PI4KA: variants seen among roughly 807,000 people sequenced by gnomAD.
PI4KA encodes PI4-kinase alpha.
Under a neutral mutation model 271.4 loss-of-function variants are expected in PI4KA, and 122 were observed. The observed-to-expected ratio is 0.45, with a 90% CI of 0.39 to 0.52. PI4KA has a LOEUF of 0.52. Ranked by LOEUF, PI4KA falls within the 20% of genes least tolerant of loss-of-function variation. The probability of loss-of-function intolerance (pLI) is 0.00; values close to 1 mark genes in which losing one functional copy is unlikely to be tolerated. For synonymous variants in PI4KA, 1,041 were observed against 1,078.8 expected (o/e 0.96, Z 0.69); for missense variants, 1,969 against 2,769.1 (o/e 0.71, Z 6.48).
chr22:20,753,738 G>A (rs1455804485), intron 23 of PI4KA, among the ~76,000 whole-genome samples: 1 of 152,030 alleles, frequency 6.6e-6, no homozygotes, highest in Admixed American at 6.6e-5. Context: ...CCAGGCTGGA[G>A]TGTGGTGGCG....
intron 8 of PI4KA, among the ~76,000 whole-genome samples, chr22:20,812,526 T>C (rs568006456): frequency 6.6e-5 from 10 of 152,242 alleles, no homozygotes; most frequent in African/African-American, 2.4e-4. Context: ...CCTAGCTTGA[T>C]TGTAACAACT....
chr22:20,753,086 C>A (rs201842244), intron 24 of PI4KA, 24 bp downstream of exon 24: 1 of 1,614,118 alleles, frequency 6.2e-7, no homozygotes, highest in African/African-American at 1.3e-5. Flanking sequence ...CAGACAGACA[C>A]GCATTCATGC....
intron 19 of PI4KA, chr22:20,780,203 T>C (rs781388327): frequency 6.2e-7 from 1 of 1,614,204 alleles, no homozygotes; most frequent in East Asian, 2.2e-5. Context: ...ACTTCAAAGG[T>C]AAGAGGCACC....
rs151088480 is a variant in PI4KA at position 20,779,444 on chromosome 22, G to A, written c.2328+13749C>T. On this transcript the variant is annotated intron_variant, in intron 19 of 54. Coordinates refer to ENST00000255882, the MANE Select transcript of PI4KA (RefSeq NM_058004.4). ...AGTCTGCAGATCCCCAGTGGGAGCA[G>A]TTAAATAACAAAAACCTGAGCATGC... 10 of 1,614,068 alleles carry A rather than the reference G, an allele frequency of 6.2e-6. 1 individual carries two copies. Among genetic ancestry groups the A allele is most frequent in the Non-Finnish European group, 8.5e-6 (10 of 1,180,022 alleles).
rs7291755 is a variant in PI4KA at position 20,732,465 on chromosome 22, G to A, written c.4288+506C>T. On this transcript the variant is annotated intron_variant, in intron 36 of 54. Coordinates refer to ENST00000255882, the MANE Select transcript of PI4KA (RefSeq NM_058004.4). ...CTTTGCCCTGTCCACCCTGCATGCC[G>A]GTGCAGCCATTCAGACTCAGCTCAA... 6.8e-4 allele frequency among the ~76,000 whole-genome samples: 104 copies of A among 152,296 alleles called. 1 individual carries two copies. The highest frequency in any genetic ancestry group is 2.4e-3 in the African/African-American group (99 of 41,542).
chr22:20,727,134 G>A, intron 41 of PI4KA, 96 bp downstream of exon 41: 2 of 1,124,148 alleles, frequency 1.8e-6, no homozygotes, highest in Non-Finnish European at 1.3e-6. Flanking sequence ...GTAACGGGGC[G>A]ACCTCATGGC....
intron 42 of PI4KA, among the ~76,000 whole-genome samples, chr22:20,722,251 A>G (rs1172624017): frequency 6.6e-6 from 1 of 152,112 alleles, no homozygotes; most frequent in African/African-American, 2.4e-5. Flanking sequence ...CAGTGGTACA[A>G]TCTCAGCTCA....
At chr22:20,750,316 T>G (rs1338657311) in intron 27 of PI4KA, among the ~76,000 whole-genome samples, 1 of 152,162 alleles carries the variant, frequency 6.6e-6, no homozygotes, top group Non-Finnish European at 1.5e-5. Context: ...GGGAGAAGGC[T>G]GCCATTCACA....
chr22:20,791,823 G>A (rs918548270), intron 19 of PI4KA, among the ~76,000 whole-genome samples: 9 of 152,122 alleles, frequency 5.9e-5, no homozygotes, highest in Non-Finnish European at 8.8e-5. Flanking sequence ...ATGGCAGGCC[G>A]GGCGCGGCAG....
intron 10 of PI4KA, among the ~76,000 whole-genome samples, chr22:20,806,594 C>T (rs1400367609): frequency 6.6e-6 from 1 of 152,014 alleles, no homozygotes; most frequent in Non-Finnish European, 1.5e-5. Flanking sequence ...ATTGCTTGAG[C>T]CTGGGAGGCA....
chr22:20,707,998 G>T lies in PI4KA; in HGVS notation c.*49C>A. On this transcript the variant is annotated 3_prime_UTR_variant, in exon 55 of 55. Coordinates refer to ENST00000255882, the MANE Select transcript of PI4KA (RefSeq NM_058004.4). ...GGAGGTCGCAGGGCTCCATGATTGT[G>T]GGACAGCTTTGAGGGCACATGGGGC... 6.8e-7 allele frequency: 1 copy of T among 1,474,736 alleles called. No homozygotes were observed. The highest frequency in any genetic ancestry group is 9.5e-7 in the Non-Finnish European group (1 of 1,053,574). 91.4% of individuals were successfully genotyped at this position (1,474,736 alleles called of 1,614,324 possible).
intron 19 of PI4KA, among the ~76,000 whole-genome samples, chr22:20,790,478 T>C (rs1261159950): frequency 1.3e-5 from 2 of 151,888 alleles, no homozygotes; most frequent in East Asian, 1.9e-4. Context: ...CTGGTGAACA[T>C]GGCAAAAACT....
chr22:20,751,462 T>A (rs904193948), intron 26 of PI4KA, 86 bp from the exon 27 acceptor site: 1 of 1,202,132 alleles, frequency 8.3e-7, no homozygotes, highest in East Asian at 2.4e-5. Context: ...ACCCACCACC[T>A]GTCTGTCTGT....
intron 1 of PI4KA, among the ~76,000 whole-genome samples, chr22:20,845,606 T>C (rs1282671126): frequency 6.6e-6 from 1 of 152,226 alleles, no homozygotes; most frequent in Non-Finnish European, 1.5e-5. Flanking sequence ...AGAGCTATCA[T>C]GATAAACAAA....
At chr22:20,832,265 C>T (rs182218776) in intron 3 of PI4KA, among the ~76,000 whole-genome samples, 3 of 149,724 alleles carry the variant, frequency 2.0e-5, no homozygotes, top group Admixed American at 6.7e-5. Flanking sequence ...TACAGGCGTG[C>T]GCCACCACAC....
In PI4KA at chr22:20,777,497, C is replaced by A. The variant is rs555669757; in HGVS notation, c.2329-11804G>T. On this transcript the variant is annotated intron_variant, in intron 19 of 54. Coordinates refer to ENST00000255882, the MANE Select transcript of PI4KA (RefSeq NM_058004.4). ...CCTCCCAAAGTGCTGGGATTACTGA[C>A]CTGAGCCACCGCACCCAGCCTATTT... Among the ~76,000 whole-genome samples the A allele has an allele frequency of 1.7e-3, 259 of 152,288 alleles. 2 individuals are homozygous for A. Among genetic ancestry groups the A allele is most frequent in the African/African-American group, 6.0e-3 (249 of 41,556 alleles).
chr22:20,780,775 C>CAAAAAAAAAAAAAAAAAAAAAAAAAAA lies in PI4KA; in HGVS notation c.2328+12417_2328+12418insTTTTTTTTTTTTTTTTTTTTTTTTTTT, dbSNP rs538327544. Among the ~76,000 whole-genome samples, 129 of 67,484 alleles carry CAAAAAAAAAAAAAAAAAAAAAAAAAAA rather than the reference C, an allele frequency of 1.9e-3. 1 individual carries two copies. Among genetic ancestry groups the CAAAAAAAAAAAAAAAAAAAAAAAAAAA allele is most frequent in the Non-Finnish European group, 2.8e-3 (101 of 36,482 alleles). 44.3% of individuals were successfully genotyped at this position (67,484 alleles called of 152,430 possible). On this transcript the variant is annotated intron_variant, in intron 19 of 54. Transcript: ENST00000255882. The stretch of plus-strand genomic sequence containing the variant: ...TGGACGACAGAGTGAGACTCCATCT[C>CAAAAAAAAAAAAAAAAAAAAAAAAAAA]AAAAAAAAAAAAAAAAGAAGTAAAA...
intron 19 of PI4KA, among the ~76,000 whole-genome samples, chr22:20,777,220 T>A (rs1440207649): frequency 7.5e-6 from 1 of 133,864 alleles, no homozygotes; most frequent in Non-Finnish European, 1.7e-5. Context: ...TTTTCTTTTC[T>A]TTTTTTTTTT....
chr22:20,714,687 G>A lies in PI4KA; in HGVS notation c.5331C>T (p.Pro1777=), dbSNP rs1268267685. 7.4e-6 allele frequency: 12 copies of A among 1,613,952 alleles called. No individual in the cohort carries two copies. The highest frequency in any genetic ancestry group is 9.3e-6 in the Non-Finnish European group (11 of 1,179,850). The change falls in exon 46 of 55, where the codon CCC becomes CCT. Residue 1777 remains proline, a synonymous_variant. Transcript: ENST00000255882. Reference sequence around the variant, plus strand: ...CCAGCACAATGGCCTCAGGGTTGCTGGGCAGGTAGCAGCCTGTGCAGGGAC... The same window carrying A: ...CCAGCACAATGGCCTCAGGGTTGCTAGGCAGGTAGCAGCCTGTGCAGGGAC... ...EVKVQPGCYL[P]SNPEAIVLDI...
Sources: allele counts gnomAD v4.1 joint callset (sites outside exome capture counted in the v4.1 genomes callset), GRCh38; gene constraint gnomAD v4.1.1; transcripts MANE v1.5; gene names NCBI Gene and HGNC (gene_info 2026-07-23, HGNC 2026-07-21).